Variants in INTS9 observed in about 807,000 individuals in gnomAD.
The protein encoded by INTS9 is protein related to CPSF subunits of 74 kDa.
A neutral mutation model predicts 79.7 loss-of-function variants in INTS9; 55 were observed. The observed-to-expected ratio is 0.69, with a 90% CI of 0.56 to 0.86. The LOEUF (loss-of-function observed/expected upper bound fraction) is 0.86, where lower values mean the gene tolerates loss of function less well. Among genes scored for constraint, INTS9 ranks in the 40% least tolerant of loss-of-function variants. INTS9 has a pLI of 0.00. For synonymous variants in INTS9, 319 were observed against 325.2 expected (o/e 0.98, Z 0.20); for missense variants, 721 against 831.5 (o/e 0.87, Z 1.64).
intron 6 of INTS9, among the ~76,000 whole-genome samples, chr8:28,814,747 T>C (rs574399024): frequency 6.6e-6 from 1 of 152,114 alleles, no homozygotes; most frequent in Non-Finnish European, 1.5e-5. Flanking sequence ...ACAATGTTCC[T>C]CTCCTCATTT....
intron 14 of INTS9, among the ~76,000 whole-genome samples, chr8:28,774,979 C>A (rs1184373004): frequency 6.6e-6 from 1 of 152,196 alleles, no homozygotes. Flanking sequence ...AATACTTAGA[C>A]TTTGATAGAC....
chr8:28,888,195 A>G (rs1487098878), intron 1 of INTS9, among the ~76,000 whole-genome samples: 1 of 152,088 alleles, frequency 6.6e-6, no homozygotes, highest in Non-Finnish European at 1.5e-5. Flanking sequence ...GACCTCCCCA[A>G]TCCTCTGTTC....
chr8:28,768,810 T>G (rs1265795719), intron 16 of INTS9, among the ~76,000 whole-genome samples: 1 of 152,116 alleles, frequency 6.6e-6, no homozygotes, highest in Non-Finnish European at 1.5e-5. Flanking sequence ...AAATCAGACG[T>G]GACATGGAAA....
intron 6 of INTS9, among the ~76,000 whole-genome samples, chr8:28,814,504 C>A (rs1296631648): frequency 6.6e-6 from 1 of 152,130 alleles, no homozygotes; most frequent in Non-Finnish European, 1.5e-5. Context: ...CTGAAAACAA[C>A]AGGTGTATCA....
chr8:28,867,003 C>T (rs1325652497), intron 1 of INTS9, among the ~76,000 whole-genome samples: 1 of 151,040 alleles, frequency 6.6e-6, no homozygotes, highest in South Asian at 2.1e-4. Flanking sequence ...AATCTGCTTT[C>T]CAGCCAGGCG....
chr8:28,817,470 T>C (rs1475581461), intron 6 of INTS9, among the ~76,000 whole-genome samples: 7 of 152,086 alleles, frequency 4.6e-5, no homozygotes, highest in Non-Finnish European at 7.4e-5. Flanking sequence ...GTTGTAGATA[T>C]GTGGCGTTAT....
chr8:28,860,926 C>T (rs540164919), intron 1 of INTS9, among the ~76,000 whole-genome samples: 1 of 152,300 alleles, frequency 6.6e-6, no homozygotes, highest in Admixed American at 6.5e-5. Context: ...ATGAATTTTC[C>T]ACTTTTCTCC....
chr8:28,775,897 GTA>G lies in INTS9; in HGVS notation c.1423_1424del (p.Tyr475HisfsTer28). 1 of 1,602,980 alleles carries G rather than the reference GTA, an allele frequency of 6.2e-7. No individual in the cohort carries two copies. The highest frequency in any genetic ancestry group is 8.5e-7 in the Non-Finnish European group (1 of 1,174,536). On this transcript the variant is annotated frameshift_variant, in exon 14 of 17. Transcript: ENST00000521022. LOFTEE classifies it high-confidence loss of function. ...GGGACTGGGCTGGGGGCGGCTGAGT[GTA>G]CTGCTCAGGACACACCACGTGCAGG... ...QPLHVVCPEQ[Y>X]TQPPPAQSHR...
chr8:28,801,501 AC>A lies in INTS9; in HGVS notation c.745-4847del, dbSNP rs1374252337. Among the ~76,000 whole-genome samples the A allele has an allele frequency of 6.6e-3, 463 of 69,926 alleles. 5 individuals are homozygous for A. The highest frequency in any genetic ancestry group is 0.021 in the African/African-American group (437 of 20,466). The allele number at this position is 69,926 out of a possible 152,430, so 45.9% of individuals were successfully genotyped here. On this transcript the variant is annotated intron_variant, in intron 8 of 16. Transcript: ENST00000521022. The stretch of plus-strand genomic sequence containing the variant: ...TAAGACTCTGTCTCAAAACAAACAA[AC>A]AAACAAAAAAACAAAAAAAACCCAA...
At chr8:28,796,335 A>ATG (rs1046669306) in intron 9 of INTS9, among the ~76,000 whole-genome samples, 40 of 152,104 alleles carry the variant, frequency 2.6e-4, no homozygotes, top group Admixed American at 2.6e-3. Flanking sequence ...ACATTCATAC[A>ATG]TATCTATCTG....
rs142015244 is a variant in INTS9, at chr8:28,815,380, C to T, written c.489-1768G>A. Reference sequence around the variant, plus strand: ...AAAGCTTATAAATGAGGTGACAAAACTCAATAAAGAATTAGAAATAAAAGA... The same window carrying T: ...AAAGCTTATAAATGAGGTGACAAAATTCAATAAAGAATTAGAAATAAAAGA... On this transcript the variant is annotated intron_variant, in intron 6 of 16. Coordinates refer to ENST00000521022, the MANE Select transcript of INTS9 (RefSeq NM_018250.4). Among the ~76,000 whole-genome samples, 9 of 152,124 alleles carry T rather than the reference C, an allele frequency of 5.9e-5. No homozygotes were observed. The East Asian group carries it at 1.7e-3, about 29-fold the overall frequency.
intron 1 of INTS9, among the ~76,000 whole-genome samples, chr8:28,881,476 AGGGGGGG>A (rs775019090): frequency 2.8e-5 from 1 of 35,962 alleles, no homozygotes; most frequent in Non-Finnish European, 5.4e-5. Context: ...GGGAGGGGGG[AGGGGGGG>A]GTCAGCCCCC....
chr8:28,840,144 C>A (rs1229486670), intron 4 of INTS9, among the ~76,000 whole-genome samples: 238 of 118,666 alleles, frequency 2.0e-3, no homozygotes, highest in Admixed American at 3.2e-3. Flanking sequence ...CATGAACAGA[C>A]ACTTCTCAAA....
intron 6 of INTS9, among the ~76,000 whole-genome samples, chr8:28,814,704 A>C (rs1322085007): frequency 2.6e-5 from 4 of 152,172 alleles, no homozygotes; most frequent in Non-Finnish European, 5.9e-5. Flanking sequence ...CCATCAACTG[A>C]GACAGCCTTC....
chr8:28,769,599 T>A lies in INTS9; in HGVS notation c.1800+290A>T, dbSNP rs1585315576. 5 of 292,182 alleles carry A rather than the reference T, an allele frequency of 1.7e-5. No individual in the cohort carries two copies. In the East Asian group the frequency reaches 3.6e-4, roughly 21 times the overall value. The allele number at this position is 292,182 out of a possible 1,614,324, so 18.1% of individuals were successfully genotyped here. ...GGCAGGGCCGGGTCCCTCTTTGTCC[T>A]GGCCTCACTACCCTGCCCCACTCGT... On this transcript the variant is annotated intron_variant, in intron 16 of 16. Transcript: ENST00000521022.
At chr8:28,889,430 A>T (rs1810448915) in intron 1 of INTS9, among the ~76,000 whole-genome samples, 2 of 152,216 alleles carry the variant, frequency 1.3e-5, no homozygotes. Context: ...TTAATAAGTG[A>T]TTACGTTCTG....
intron 6 of INTS9, among the ~76,000 whole-genome samples, chr8:28,831,312 T>G (rs1217204343): frequency 6.6e-6 from 1 of 151,884 alleles, no homozygotes; most frequent in Non-Finnish European, 1.5e-5. Context: ...TCAGGGAGTG[T>G]GCGGGGGAAG....
Position 28,812,087 on chromosome 8 carries a change from T to C in INTS9, c.744+240A>G, listed in dbSNP as rs978932295. Among the ~76,000 whole-genome samples the C allele has an allele frequency of 2.6e-5, 4 of 152,362 alleles. No homozygotes were observed. The South Asian group carries it at 8.3e-4, about 32-fold the overall frequency. On this transcript the variant is annotated intron_variant, in intron 8 of 16. Transcript: ENST00000521022. ...ACCATCTGTGTCCCACATCAGGCTA[T>C]GGTCTTTGGAAGGCCTGGGGGATTT...
intron 11 of INTS9, among the ~76,000 whole-genome samples, chr8:28,782,148 GCAAGT>G (rs1803304112): frequency 6.6e-6 from 1 of 152,198 alleles, no homozygotes; most frequent in Admixed American, 6.5e-5. Flanking sequence ...GAACACATGG[GCAAGT>G]CAAGTCTTTC....
Sources: gnomAD v4.1 joint callset for allele counts (sites outside exome capture counted in the v4.1 genomes callset) on GRCh38, gnomAD v4.1.1 for gene constraint, MANE v1.5 for transcripts, NCBI Gene and HGNC (gene_info 2026-07-23, HGNC 2026-07-21) for gene names.